Variants in STX12 observed in about 807,000 individuals in gnomAD.
STX12 encodes syntaxin 12, also known as syntaxin-12.
A neutral mutation model predicts 42.2 loss-of-function variants in STX12; 17 were observed. That is an observed-to-expected ratio of 0.40 (90% CI 0.28 to 0.60). The LOEUF is 0.60. STX12 is among the 20% of genes least tolerant of loss of function. STX12 has a pLI of 0.39. For missense variants in STX12, 297 were observed against 330.9 expected, an observed-to-expected ratio of 0.90 and a Z score of 0.79; for synonymous variants, 108 against 116.7, an observed-to-expected ratio of 0.93 and a Z score of 0.48.
At position 27,822,583 on chromosome 1, in the gene STX12, C is replaced by A. The variant is rs962937036; in HGVS notation, c.*254C>A. On this transcript the variant is annotated 3_prime_UTR_variant, in exon 9 of 9. Transcript: ENST00000373943. ...TTGCTTCCTCTTGTATTCTGATTGC[C>A]CTTCATCCCAAGTGTTTACTGAAAA... 6.8e-5 allele frequency: 23 copies of A among 339,820 alleles called. No individual in the cohort carries two copies. The Admixed American group carries it at 9.8e-4, about 15-fold the overall frequency. 21.1% of individuals were successfully genotyped at this position (339,820 alleles called of 1,614,324 possible). A position where few individuals can be genotyped will look rare whatever the true frequency, so the allele number is the denominator to read the frequency against.
chr1:27,781,158 C>T (rs2088665472), intron 1 of STX12, among the ~76,000 whole-genome samples: 1 of 152,094 alleles, frequency 6.6e-6, no homozygotes, highest in Admixed American at 6.5e-5. Flanking sequence ...ATTCTCATGC[C>T]TCAGCCTCCT....
intron 4 of STX12, chr1:27,809,920 ATTC>A (rs1557805853): frequency 1.0e-5 from 2 of 200,134 alleles, no homozygotes; most frequent in African/African-American, 2.3e-5. Flanking sequence ...GAAATTTTGT[ATTC>A]TTGCAAGTTT....
chr1:27,799,723 C>A (rs1212676035), intron 3 of STX12, among the ~76,000 whole-genome samples: 5 of 152,098 alleles, frequency 3.3e-5, no homozygotes, highest in Admixed American at 2.0e-4. Flanking sequence ...GCCTCGTGAT[C>A]TGCCTGCCTC....
intron 1 of STX12, among the ~76,000 whole-genome samples, chr1:27,780,239 T>G (rs888410007): frequency 2.0e-5 from 3 of 147,198 alleles, no homozygotes; most frequent in Non-Finnish European, 4.4e-5. Flanking sequence ...AGACGGAGTC[T>G]TGCTCTGTTT....
intron 4 of STX12, among the ~76,000 whole-genome samples, chr1:27,804,057 A>G (rs1308316000): frequency 6.6e-6 from 1 of 152,180 alleles, no homozygotes; most frequent in Non-Finnish European, 1.5e-5. Flanking sequence ...CAATATGAAA[A>G]AGAAAGATAC....
At chr1:27,810,040 A>T (rs773068998) in intron 4 of STX12, 1 of 502,166 alleles carries the variant, frequency 2.0e-6, no homozygotes, top group Non-Finnish European at 3.6e-6. Context: ...GTTTCTGTTC[A>T]GGACTCAAAC....
At chr1:27,787,192 A>G (rs1447098609) in intron 1 of STX12, among the ~76,000 whole-genome samples, 1 of 152,186 alleles carries the variant, frequency 6.6e-6, no homozygotes, top group Admixed American at 6.5e-5. Context: ...CAGCCTATAT[A>G]TACTTGACTC....
At chr1:27,776,072 G>A (rs1392766815) in intron 1 of STX12, among the ~76,000 whole-genome samples, 1 of 152,156 alleles carries the variant, frequency 6.6e-6, no homozygotes, top group African/African-American at 2.4e-5. Flanking sequence ...TTAGGGCTGT[G>A]AAAATGAAAA....
chr1:27,814,059 C>T (rs551140048), intron 6 of STX12, among the ~76,000 whole-genome samples: 187 of 152,270 alleles, frequency 1.2e-3, no homozygotes, highest in African/African-American at 4.0e-3. Context: ...CGCCACCACT[C>T]CTGGCTAATT....
intron 2 of STX12, among the ~76,000 whole-genome samples, chr1:27,792,261 C>CATATATATCT (rs1214592532): frequency 1.7e-5 from 2 of 119,850 alleles, no homozygotes; most frequent in Non-Finnish European, 3.4e-5. Flanking sequence ...TATGTAGATA[C>CATATATATCT]ATATATATGT....
intron 7 of STX12, 84 bp from the exon 8 acceptor site, chr1:27,819,566 G>A: frequency 8.4e-7 from 1 of 1,195,792 alleles, no homozygotes; most frequent in East Asian, 2.5e-5. Flanking sequence ...GTGAAACCAG[G>A]ACATGTAACA....
rs142813903 is a variant in STX12 at position 27,787,637 on chromosome 1, C to T, written c.119-1925C>T. On this transcript the variant is annotated intron_variant, in intron 1 of 8. Transcript: ENST00000373943. Reference sequence around the variant, plus strand: ...TCATGCCACTGCACTCCAGCCTGGCCGACAGAGTGAGACTCTGTATCAAAA... The same window carrying T: ...TCATGCCACTGCACTCCAGCCTGGCTGACAGAGTGAGACTCTGTATCAAAA... 6.2e-3 allele frequency among the ~76,000 whole-genome samples: 932 copies of T among 150,914 alleles called. 13 individuals are homozygous for T. Among genetic ancestry groups the T allele is most frequent in the African/African-American group, 0.021 (872 of 40,998 alleles).
At chr1:27,818,995 G>T (rs1464061697) in intron 7 of STX12, among the ~76,000 whole-genome samples, 1 of 151,936 alleles carries the variant, frequency 6.6e-6, no homozygotes, top group African/African-American at 2.4e-5. Flanking sequence ...GCAAAAATAG[G>T]CTGGGCATGG....
At chr1:27,801,584 A>G in intron 3 of STX12, 94 bp from the exon 4 acceptor site, 1 of 1,289,480 alleles carries the variant, frequency 7.8e-7, no homozygotes, top group South Asian at 2.4e-5. Flanking sequence ...CTAGTTGGAA[A>G]TCTTTAAGGG....
intron 1 of STX12, among the ~76,000 whole-genome samples, chr1:27,782,553 G>A (rs1188884524): frequency 6.6e-6 from 1 of 152,094 alleles, no homozygotes; most frequent in African/African-American, 2.4e-5. Flanking sequence ...TTTAAAGTCA[G>A]GTTGATGGAC....
In STX12 at chr1:27,822,323, G is replaced by A. The variant is rs994719603; in HGVS notation, c.825G>A (p.Thr275=). 5.6e-6 allele frequency: 9 copies of A among 1,602,832 alleles called. No individual in the cohort carries two copies. Among genetic ancestry groups the A allele is most frequent in the Middle Eastern group, 1.6e-4 (1 of 6,062 alleles). Reference sequence around the variant, plus strand: ...TTATTATCTGGCTAGTTTATAAAACGAAGTGATTGCCTCCGATCGTTCTCC... The same window carrying A: ...TTATTATCTGGCTAGTTTATAAAACAAAGTGATTGCCTCCGATCGTTCTCC... ...LGLIIWLVYK[T]K Residue 275 remains threonine, a synonymous_variant, in exon 9 of 9, where the codon ACG becomes ACA. Coordinates refer to ENST00000373943, the MANE Select transcript of STX12 (RefSeq NM_177424.3).
In STX12 at chr1:27,799,477, G is replaced by GTTTTTTTTTTTTTTTTTTTTT. The variant is rs200472226; in HGVS notation, c.289-2190_289-2189insTTTTTTTTTTTTTTTTTTTTT. On this transcript the variant is annotated intron_variant, in intron 3 of 8. Coordinates refer to ENST00000373943, the MANE Select transcript of STX12 (RefSeq NM_177424.3). ...GGTTGAACCCCAAACTCATTAGCTTGTTTTTTTTTTTGTTTTTTTTTTTGA... is the reference window on the plus strand; with the variant it reads ...GGTTGAACCCCAAACTCATTAGCTTGTTTTTTTTTTTTTTTTTTTTTTTTTTTTTTTTGTTTTTTTTTTTGA... 3.4e-4 allele frequency among the ~76,000 whole-genome samples: 44 copies of GTTTTTTTTTTTTTTTTTTTTT among 130,694 alleles called. 6 individuals carry two copies. The highest frequency in any genetic ancestry group is 1.2e-3 in the African/African-American group (39 of 31,222). 85.7% of individuals were successfully genotyped at this position (130,694 alleles called of 152,430 possible). A position where few individuals can be genotyped will look rare whatever the true frequency, so the allele number is the denominator to read the frequency against.
intron 1 of STX12, among the ~76,000 whole-genome samples, chr1:27,784,180 CA>C (rs983398296): frequency 0.026 from 3,629 of 141,228 alleles, 107 homozygotes; most frequent in African/African-American, 0.085. Context: ...AACTCTGTCT[CA>C]AAAAAAAAAA....
At chr1:27,792,257 G>T (rs111763858) in intron 2 of STX12, among the ~76,000 whole-genome samples, 1,704 of 62,880 alleles carry the variant, frequency 0.027, 346 homozygotes, top group African/African-American at 0.22. Flanking sequence ...TATATATGTA[G>T]ATACATATAT....
Sources: gnomAD v4.1 joint callset for allele counts (sites outside exome capture counted in the v4.1 genomes callset) on GRCh38, gnomAD v4.1.1 for gene constraint, MANE v1.5 for transcripts, NCBI Gene and HGNC (gene_info 2026-07-23, HGNC 2026-07-21) for gene names.